The following RPN2 variants were observed in gnomAD, a reference collection of about 807,000 sequenced individuals.
RPN2 encodes ribophorin II.
Under a neutral mutation model 71.4 loss-of-function variants are expected in RPN2, and 29 were observed. The ratio of observed to expected loss-of-function variants is 0.41; its 90% confidence interval spans 0.30 to 0.55. The LOEUF (loss-of-function observed/expected upper bound fraction) is 0.55. Among genes scored for constraint, RPN2 ranks in the 20% least tolerant of loss-of-function variants. The pLI is 0.35. For missense variants in RPN2, 726 were observed against 774.1 expected, an observed-to-expected ratio of 0.94 and a Z score of 0.74; for synonymous variants, 308 against 305.0, an observed-to-expected ratio of 1.01 and a Z score of -0.10.
intron 13 of RPN2, among the ~76,000 whole-genome samples, chr20:37,231,057 T>G (rs2068230012): frequency 6.6e-6 from 1 of 151,996 alleles, no homozygotes. Flanking sequence ...AGGAAAAATC[T>G]TTTTTAAAAA....
intron 8 of RPN2, among the ~76,000 whole-genome samples, chr20:37,211,305 G>A (rs2067658443): frequency 6.6e-6 from 1 of 150,520 alleles, no homozygotes; most frequent in African/African-American, 2.4e-5. Flanking sequence ...AAAGTGCTGG[G>A]ATTACAGGCG....
At chr20:37,186,297 A>T (rs909057803) in intron 2 of RPN2, among the ~76,000 whole-genome samples, 2 of 152,210 alleles carry the variant, frequency 1.3e-5, no homozygotes, top group Non-Finnish European at 2.9e-5. Flanking sequence ...TAATCAGTGG[A>T]TGGAAATCCA....
At chr20:37,237,106 A>C (rs1425850156) in intron 16 of RPN2, among the ~76,000 whole-genome samples, 1 of 151,872 alleles carries the variant, frequency 6.6e-6, no homozygotes, top group Admixed American at 6.5e-5. Flanking sequence ...TAACCCTCAC[A>C]GCTCCAGGAG....
intron 9 of RPN2, among the ~76,000 whole-genome samples, chr20:37,223,404 CT>C (rs2068005624): frequency 6.6e-6 from 1 of 152,170 alleles, no homozygotes; most frequent in Admixed American, 6.5e-5. Flanking sequence ...TCTCTCTCAT[CT>C]TTTATTTCCT....
intron 2 of RPN2, among the ~76,000 whole-genome samples, chr20:37,188,784 A>AT (rs958702984): frequency 6.7e-5 from 10 of 148,154 alleles, no homozygotes; most frequent in African/African-American, 7.4e-5. Context: ...GCCTAGCTAA[A>AT]TTTTTTTTTT....
intron 16 of RPN2, 46 bp from the exon 17 acceptor site, chr20:37,241,257 A>T: frequency 6.2e-7 from 1 of 1,609,608 alleles, no homozygotes; most frequent in Non-Finnish European, 8.5e-7. Context: ...TGTAACTGTG[A>T]ACTGAAACCT....
chr20:37,196,921 G>A (rs1355999329), intron 2 of RPN2, among the ~76,000 whole-genome samples: 4 of 152,178 alleles, frequency 2.6e-5, no homozygotes, highest in East Asian at 3.8e-4. Context: ...TAAGTGCAGT[G>A]TGGTACGTGC....
chr20:37,220,427 C>A (rs944085113), intron 9 of RPN2, among the ~76,000 whole-genome samples: 1 of 152,032 alleles, frequency 6.6e-6, no homozygotes, highest in Admixed American at 6.6e-5. Context: ...GGGGAAGCAT[C>A]GGTTTTGGAC....
At chr20:37,188,903 A>C (rs933781193) in intron 2 of RPN2, among the ~76,000 whole-genome samples, 4 of 150,084 alleles carry the variant, frequency 2.7e-5, no homozygotes, top group Admixed American at 6.6e-5. Flanking sequence ...GATTATGGAC[A>C]TGAACCACTG....
Position 37,241,472 on chromosome 20 carries a change from C to T in RPN2, c.*157C>T, listed in dbSNP as rs2068549551. ...ACTTTTGCTTGTTTTTCAGTTTCCC[C>T]AACACACAGCAGATACCTGGTGAGC... On this transcript the variant is annotated 3_prime_UTR_variant, in exon 17 of 17. Coordinates refer to ENST00000237530, the MANE Select transcript of RPN2 (RefSeq NM_002951.5). The T allele has an allele frequency of 1.7e-5, 14 of 807,038 alleles. No homozygotes were observed. Among genetic ancestry groups the T allele is most frequent in the South Asian group, 1.3e-4 (8 of 61,418 alleles). The allele number at this position is 807,038 out of a possible 1,614,324, so 50.0% of individuals were successfully genotyped here. A position where few individuals can be genotyped will look rare whatever the true frequency, so the allele number is the denominator to read the frequency against.
chr20:37,228,173 A>T (rs1288831733), intron 11 of RPN2, among the ~76,000 whole-genome samples: 1 of 152,108 alleles, frequency 6.6e-6, no homozygotes, highest in Non-Finnish European at 1.5e-5. Context: ...GTTCCACCTC[A>T]TTTCCTTTCT....
At chr20:37,227,779 C>A (rs766610198) in intron 11 of RPN2, among the ~76,000 whole-genome samples, 1 of 152,176 alleles carries the variant, frequency 6.6e-6, no homozygotes, top group Non-Finnish European at 1.5e-5. Flanking sequence ...GTGCAGACAC[C>A]TTGGTTTCTT....
intron 2 of RPN2, among the ~76,000 whole-genome samples, chr20:37,191,788 A>G (rs764000779): frequency 2.6e-5 from 4 of 152,118 alleles, no homozygotes; most frequent in Non-Finnish European, 5.9e-5. Flanking sequence ...GCTTTTTACA[A>G]GATTAAGAAC....
chr20:37,233,878 C>G, intron 14 of RPN2, 142 bp from the exon 15 acceptor site: 1 of 929,594 alleles, frequency 1.1e-6, no homozygotes, highest in Non-Finnish European at 1.7e-6. Context: ...GGGTGGTTGT[C>G]ACTTGGAAGA....
intron 4 of RPN2, among the ~76,000 whole-genome samples, chr20:37,202,457 T>C (rs1379156977): frequency 1.3e-5 from 2 of 152,218 alleles, no homozygotes; most frequent in Non-Finnish European, 2.9e-5. Flanking sequence ...ACATATTGAC[T>C]TGATAAGTGG....
chr20:37,203,248 G>A (rs1223111934), intron 4 of RPN2, among the ~76,000 whole-genome samples: 2 of 152,054 alleles, frequency 1.3e-5, no homozygotes, highest in Non-Finnish European at 2.9e-5. Flanking sequence ...TTAGACTGAT[G>A]GAAATATTTG....
chr20:37,223,277 T>C (rs1314466466), intron 9 of RPN2, among the ~76,000 whole-genome samples: 1 of 152,232 alleles, frequency 6.6e-6, no homozygotes, highest in African/African-American at 2.4e-5. Flanking sequence ...ACAGTACAGA[T>C]AACTACCATG....
At position 37,201,281 on chromosome 20, in the gene RPN2, C is replaced by CTTT. The variant is rs373838278; in HGVS notation, c.479+2072_479+2074dup. 4.0e-4 allele frequency among the ~76,000 whole-genome samples: 42 copies of CTTT among 105,094 alleles called. 1 individual carries two copies. The highest frequency in any genetic ancestry group is 4.7e-4 in the African/African-American group (12 of 25,740). 68.9% of individuals were successfully genotyped at this position (105,094 alleles called of 152,430 possible). A position where few individuals can be genotyped will look rare whatever the true frequency, so the allele number is the denominator to read the frequency against. On this transcript the variant is annotated intron_variant, in intron 4 of 16. Coordinates refer to ENST00000237530, the MANE Select transcript of RPN2 (RefSeq NM_002951.5). ...TGTTATTTGTATGTTAGGTCATAAGCTTTTTTTTTTTTTTTTTTGAGACAG... is the reference window on the plus strand; with the variant it reads ...TGTTATTTGTATGTTAGGTCATAAGCTTTTTTTTTTTTTTTTTTTTTGAGACAG...
chr20:37,232,271 G>T, intron 13 of RPN2, 25 bp from the exon 14 acceptor site: 2 of 1,614,090 alleles, frequency 1.2e-6, no homozygotes, highest in Non-Finnish European at 8.5e-7. Flanking sequence ...ACATTCTTAA[G>T]TCTTCTTGGT....
Sources: allele counts gnomAD v4.1 joint callset (sites outside exome capture counted in the v4.1 genomes callset), GRCh38; gene constraint gnomAD v4.1.1; transcripts MANE v1.5; gene names NCBI Gene and HGNC (gene_info 2026-07-23, HGNC 2026-07-21).